Variants in ZNF727 observed in about 807,000 individuals in gnomAD.
ZNF727 encodes the protein putative zinc finger protein 727.
ZNF727 carries 11 observed loss-of-function variants against 11.5 expected under a neutral mutation model. The ratio of observed to expected loss-of-function variants is 0.95; its 90% confidence interval spans 0.60 to 1.58. ZNF727 has a LOEUF of 1.58. ZNF727 is among the 40% of genes most tolerant of loss of function. The probability of loss-of-function intolerance (pLI) is 0.00; values close to 1 mark genes in which losing one functional copy is unlikely to be tolerated. For missense variants in ZNF727, 533 were observed against 581.7 expected (o/e 0.92, Z 0.86); for synonymous variants, 171 against 196.1 (o/e 0.87, Z 1.07).
rs1461510563 is a variant in ZNF727 at position 64,078,196 on chromosome 7, C to T, written c.1147C>T (p.Leu383=). 1 of 1,601,222 alleles carries T rather than the reference C, an allele frequency of 6.2e-7. No individual in the cohort carries two copies. The highest frequency in any genetic ancestry group is 1.3e-5 in the African/African-American group (1 of 74,500). Residue 383 remains leucine (L), a synonymous_variant, in exon 4 of 4, where the codon CTG becomes TTG. Transcript: ENST00000456806. ...CAAAACCTTTAAGTGGTTCTCAGAC[C>T]TGACTAATCATAAGAGAATTCACAC... is the stretch of plus-strand genomic sequence containing the variant. ...CGKTFKWFSD[L]TNHKRIHTGE...
At chr7:64,073,484 A>G (rs768674454) in intron 3 of ZNF727, among the ~76,000 whole-genome samples, 6 of 151,880 alleles carry the variant, frequency 4.0e-5, no homozygotes, top group Non-Finnish European at 8.8e-5. Flanking sequence ...GTTATTGAGC[A>G]TACTTAGTAT....
At chr7:64,069,082 T>C in intron 2 of ZNF727, 65 bp downstream of exon 2, 3 of 1,448,666 alleles carry the variant, frequency 2.1e-6, no homozygotes, top group Non-Finnish European at 2.7e-6. Context: ...CTTTTTTTTT[T>C]TGAAGTTCTG....
At chr7:64,052,672 A>C (rs990453294) in intron 1 of ZNF727, among the ~76,000 whole-genome samples, 2 of 152,162 alleles carry the variant, frequency 1.3e-5, no homozygotes, top group Non-Finnish European at 2.9e-5. Flanking sequence ...TGCACCGTGC[A>C]CCTGGAAAAG....
intron 1 of ZNF727, among the ~76,000 whole-genome samples, chr7:64,050,776 A>ATGTATGTGTGTGTGTG (rs995164096): frequency 6.7e-6 from 1 of 148,358 alleles, no homozygotes; most frequent in Non-Finnish European, 1.5e-5. Flanking sequence ...ATGCATATGT[A>ATGTATGTGTGTGTGTG]TGTGTGTGTG....
intron 3 of ZNF727, among the ~76,000 whole-genome samples, chr7:64,072,533 C>T (rs754079134): frequency 3.9e-5 from 6 of 152,148 alleles, no homozygotes; most frequent in Non-Finnish European, 7.4e-5. Context: ...CTGTGACTAT[C>T]GGTGCTGAAA....
At chr7:64,052,471 C>T (rs1195345775) in intron 1 of ZNF727, among the ~76,000 whole-genome samples, 1 of 151,412 alleles carries the variant, frequency 6.6e-6, no homozygotes, top group African/African-American at 2.4e-5. Flanking sequence ...GCCTCCCCAG[C>T]CAGATTGCGC....
rs1315884696 is a variant in ZNF727 at position 64,045,579 on chromosome 7, G to A, written c.-43G>A. The A allele has an allele frequency of 6.4e-6, 10 of 1,552,882 alleles. No individual in the cohort carries two copies. The highest frequency in any genetic ancestry group is 1.7e-4 in the Middle Eastern group (1 of 5,992). On this transcript the variant is annotated 5_prime_UTR_variant, in exon 1 of 4. Coordinates refer to ENST00000456806, the MANE Select transcript of ZNF727 (RefSeq NM_001159522.3). ...GTTATCCTGTGACCTGCAGGTACTG[G>A]GAGATCCATAGGGAAGAAGGCGGAA... is the stretch of plus-strand genomic sequence containing the variant.
At chr7:64,060,893 A>G (rs968109348) in intron 1 of ZNF727, among the ~76,000 whole-genome samples, 3 of 151,860 alleles carry the variant, frequency 2.0e-5, no homozygotes, top group African/African-American at 7.2e-5. Flanking sequence ...TCTTTCAAGA[A>G]CATTTTAAAT....
rs765359696 is a variant in ZNF727 at position 64,078,033 on chromosome 7, T to A, written c.984T>A (p.Ser328Arg). ...GKAFMWISALSQHNRIHTGEK... is the reference protein window; with the variant it reads ...GKAFMWISALRQHNRIHTGEK... ...CTTTTATGTGGATCTCGGCCCTTAG[T>A]CAACATAACAGAATTCATACTGGAG... Residue 328 changes from serine to arginine, a missense_variant, in exon 4 of 4, where the codon AGT (serine) becomes AGA (arginine). Ser to Arg is a moderately radical substitution (Grantham distance 110). Around this residue, in one of 3 missense-constraint regions of ZNF727, gnomAD observed 463 missense variants for 494.5 expected, o/e 0.94. Transcript: ENST00000456806. The A allele has an allele frequency of 1.2e-6, 2 of 1,607,946 alleles. No homozygotes were observed. The highest frequency in any genetic ancestry group is 2.2e-5 in the South Asian group (2 of 90,452).
intron 1 of ZNF727, among the ~76,000 whole-genome samples, chr7:64,050,391 G>C (rs865840910): frequency 6.6e-6 from 1 of 152,026 alleles, no homozygotes; most frequent in Admixed American, 6.6e-5. Flanking sequence ...CACAACTTCC[G>C]GGGCTTCATG....
Position 64,085,104 on chromosome 7 carries a change from A to G in ZNF727, c.*6555A>G, listed in dbSNP as rs1242032692. On this transcript the variant is annotated 3_prime_UTR_variant, in exon 4 of 4. Transcript: ENST00000456806. ...TTCTTGTCATCTAATTTCAGAAAAC[A>G]TTATTTGTACTATCCCCTCAGAGAT... is the stretch of plus-strand genomic sequence containing the variant. 1.3e-5 allele frequency among the ~76,000 whole-genome samples: 2 copies of G among 152,136 alleles called. No homozygotes were observed. Among genetic ancestry groups the G allele is most frequent in the Admixed American group, 1.3e-4 (2 of 15,276 alleles).
chr7:64,073,033 G>C (rs1789986531), intron 3 of ZNF727, among the ~76,000 whole-genome samples: 1 of 152,006 alleles, frequency 6.6e-6, no homozygotes, highest in African/African-American at 2.4e-5. Context: ...TAGGGGTAAT[G>C]AACACCCTTA....
At chr7:64,061,167 T>C (rs1369822045) in intron 1 of ZNF727, among the ~76,000 whole-genome samples, 1 of 152,172 alleles carries the variant, frequency 6.6e-6, no homozygotes, top group Non-Finnish European at 1.5e-5. Flanking sequence ...TGAAATTCTT[T>C]GTAAATATCT....
At position 64,083,828 on chromosome 7, in the gene ZNF727, G is replaced by C. The variant is rs1057107521; in HGVS notation, c.*5279G>C. On this transcript the variant is annotated 3_prime_UTR_variant, in exon 4 of 4. Coordinates refer to ENST00000456806, the MANE Select transcript of ZNF727 (RefSeq NM_001159522.3). ...AGTTGTTTCTTTCATTAGTTCCAAT[G>C]CAAGTACCTGGATGTTTCAGTTGAA... 6.6e-6 allele frequency among the ~76,000 whole-genome samples: 1 copy of C among 152,094 alleles called. No homozygotes were observed. Among genetic ancestry groups the C allele is most frequent in the Non-Finnish European group, 1.5e-5 (1 of 68,026 alleles).
At chr7:64,074,401 A>G (rs1399357075) in intron 3 of ZNF727, among the ~76,000 whole-genome samples, 1 of 152,126 alleles carries the variant, frequency 6.6e-6, no homozygotes, top group Non-Finnish European at 1.5e-5. Context: ...TTTTGCTGTG[A>G]GGATCTAAAT....
chr7:64,049,735 AAATT>A (rs1364932098), intron 1 of ZNF727, among the ~76,000 whole-genome samples: 2 of 151,492 alleles, frequency 1.3e-5, no homozygotes, highest in African/African-American at 4.8e-5. Context: ...TTATATTTAA[AAATT>A]AATATCTTAG....
At position 64,048,952 on chromosome 7, in the gene ZNF727, G is replaced by A. The variant is rs1410695656; in HGVS notation, c.3+3328G>A. ...TTAGAGAGAATTTGTCCAGTGCTGG[G>A]TTTTTGCAGAGCTATGTATGGAGAG... On this transcript the variant is annotated intron_variant, in intron 1 of 3. Transcript: ENST00000456806. Among the ~76,000 whole-genome samples, 3 of 152,228 alleles carry A rather than the reference G, an allele frequency of 2.0e-5. No homozygotes were observed. The East Asian group carries it at 5.8e-4, about 29-fold the overall frequency.
chr7:64,058,601 C>T (rs569147330), intron 1 of ZNF727, among the ~76,000 whole-genome samples: 7 of 152,274 alleles, frequency 4.6e-5, no homozygotes, highest in African/African-American at 1.7e-4. Flanking sequence ...GAGCCTAACC[C>T]TTTCTGAGCC....
intron 1 of ZNF727, among the ~76,000 whole-genome samples, chr7:64,062,343 C>CT (rs1789785016): frequency 6.6e-6 from 1 of 151,604 alleles, no homozygotes; most frequent in African/African-American, 2.4e-5. Flanking sequence ...GAAGAACTGC[C>CT]TTTAGCATTT....
Sources: allele counts gnomAD v4.1 joint callset (sites outside exome capture counted in the v4.1 genomes callset), GRCh38; gene constraint gnomAD v4.1.1; regional missense constraint gnomAD v4.1.1; transcripts MANE v1.5; gene names NCBI Gene and HGNC (gene_info 2026-07-23, HGNC 2026-07-21).